Variants in MYO15A observed in about 807,000 individuals in gnomAD.
The protein encoded by MYO15A is myosin XVA, also known as unconventional myosin-XV.
Under a neutral mutation model 394.6 loss-of-function variants are expected in MYO15A, and 308 were observed. That is an observed-to-expected ratio of 0.78 (90% CI 0.71 to 0.86). The LOEUF is 0.86. Ranked by LOEUF, MYO15A falls within the 40% of genes least tolerant of loss-of-function variation. The pLI, the probability that MYO15A is intolerant of heterozygous loss-of-function variation, is 0.00. For missense variants in MYO15A, 4,606 were observed against 4,799.1 expected (o/e 0.96, Z 1.19); for synonymous variants, 1,957 against 2,003.8 (o/e 0.98, Z 0.62).
rs58625281 is a variant in MYO15A, at chr17:18,138,863, C to T, written c.5060C>T (p.Pro1687Leu). Residue 1687 changes from proline (P) to leucine (L), a missense_variant, in exon 18 of 66, where the codon CCG becomes CTG. By Grantham distance (98) the Pro-to-Leu change is moderately conservative. Transcript: ENST00000647165. ...QKCHYHHGAN[P>L]LYSKPKMPLP... ...TGCCACTACCATCATGGCGCCAACC[C>T]GCTCTATTCCAAACCCAAGATGCCG... 255 of 1,613,760 alleles carry T rather than the reference C, an allele frequency of 1.6e-4. 1 individual carries two copies. The African/African-American group carries it at 2.7e-3, about 17-fold the overall frequency.
chr17:18,156,636 C>T (rs942403390), intron 48 of MYO15A, among the ~76,000 whole-genome samples: 7 of 152,216 alleles, frequency 4.6e-5, no homozygotes, highest in Non-Finnish European at 8.8e-5. Flanking sequence ...CTTTCCATCC[C>T]CTCTGCCCAC....
chr17:18,143,810 A>G lies in MYO15A; in HGVS notation c.6046+14A>G. On this transcript the variant is annotated intron_variant, in intron 27 of 65. Coordinates refer to ENST00000647165, the MANE Select transcript of MYO15A (RefSeq NM_016239.4). The stretch of plus-strand genomic sequence containing the variant: ...AAGCAGTGGCAGGTGGGTCAGCACC[A>G]GGCGGGGGGAGGGCCCAGGCAGATC... 6.4e-7 allele frequency: 1 copy of G among 1,572,640 alleles called. No individual in the cohort carries two copies.
chr17:18,169,909 TG>T (rs1597823180), intron 62 of MYO15A, among the ~76,000 whole-genome samples: 1 of 137,430 alleles, frequency 7.3e-6, no homozygotes, highest in Non-Finnish European at 1.5e-5. Flanking sequence ...AGTTCGAGGC[TG>T]CAGTGAGCCG....
intron 45 of MYO15A, 63 bp from the exon 46 acceptor site, chr17:18,155,047 C>A: frequency 6.7e-7 from 1 of 1,489,050 alleles, no homozygotes; most frequent in Middle Eastern, 1.7e-4. Context: ...TCCCTGACAT[C>A]CCCGAGATGG....
In MYO15A at chr17:18,156,240, G is replaced by C. The variant is rs2046672600; in HGVS notation, c.8505G>C (p.Leu2835=). Residue 2835 remains leucine, a synonymous_variant, in exon 48 of 66, where the codon CTG becomes CTC. Transcript: ENST00000647165. ...TGACCATGCCCTCCCAGAACATGCT[G>C]GAGTTCAACCTGGCCAGTGAGAAGG... The part of the protein sequence containing the change: ...LFVTMPSQNM[L]EFNLASEKVI... The C allele has an allele frequency of 5.6e-6, 9 of 1,614,166 alleles. No homozygotes were observed. Among genetic ancestry groups the C allele is most frequent in the Non-Finnish European group, 7.6e-6 (9 of 1,180,028 alleles).
chr17:18,148,857 G>A lies in MYO15A; in HGVS notation c.6861G>A (p.Val2287=). 2 of 1,607,708 alleles carry A rather than the reference G, an allele frequency of 1.2e-6. No homozygotes were observed. The highest frequency in any genetic ancestry group is 2.2e-5 in the South Asian group (2 of 89,730). The stretch of plus-strand genomic sequence containing the variant: ...GCCACGACTACGTGTTAGACCTGGT[G>A]TCGGACCTGGAGCTGCTCAGGGACT... ...LAGHDYVLDL[V]SDLELLRDFP... Residue 2287 remains valine, a synonymous_variant, in exon 33 of 66, where the codon GTG becomes GTA. Coordinates refer to ENST00000647165, the MANE Select transcript of MYO15A (RefSeq NM_016239.4). This position sits in a 1 kb window ranked among gnomAD's most constrained non-coding sequence, Gnocchi z 4.8.
chr17:18,145,717 AT>A lies in MYO15A; in HGVS notation c.6274-154del, dbSNP rs1179782356. Among the ~76,000 whole-genome samples, 11 of 152,280 alleles carry A rather than the reference AT, an allele frequency of 7.2e-5. No homozygotes were observed. In the South Asian group the frequency reaches 2.3e-3, roughly 32 times the overall value. On this transcript the variant is annotated intron_variant, in intron 29 of 65. Coordinates refer to ENST00000647165, the MANE Select transcript of MYO15A (RefSeq NM_016239.4). ...GTGACAGAGACTCCATCTCAAAAAAATATTCTATATATATAGCAGTTATATT... is the reference window on the plus strand; with the variant it reads ...GTGACAGAGACTCCATCTCAAAAAAAATTCTATATATATAGCAGTTATATT...
intron 12 of MYO15A, 35 bp from the exon 13 acceptor site, chr17:18,135,676 A>G (rs778038463): frequency 1.3e-6 from 2 of 1,591,634 alleles, no homozygotes; most frequent in African/African-American, 2.7e-5. Context: ...TAGCCTATCT[A>G]GTTCAAAGCA....
At chr17:18,139,018 C>G in intron 18 of MYO15A, 82 bp downstream of exon 18, 3 of 1,543,740 alleles carry the variant, frequency 1.9e-6, no homozygotes, top group Non-Finnish European at 2.6e-6. Context: ...ACACTGGCCC[C>G]AGACATTCAC....
At chr17:18,124,436 G>T (rs772017974) in intron 2 of MYO15A, 47 bp from the exon 3 acceptor site, 3 of 1,581,896 alleles carry the variant, frequency 1.9e-6, no homozygotes, top group South Asian at 1.1e-5. Flanking sequence ...CAGTGGGGGA[G>T]GGGGGTGCCC....
intron 62 of MYO15A, among the ~76,000 whole-genome samples, chr17:18,168,020 A>ATGTAGCTATGCAGAAAGATTC (rs1174258227): frequency 6.6e-6 from 1 of 152,254 alleles, no homozygotes; most frequent in Non-Finnish European, 1.5e-5. Context: ...CAGGAAATAC[A>ATGTAGCTATGCAGAAAGATTC]TGTAGCTATG....
At chr17:18,111,520 AT>A (rs1334491688) in intron 1 of MYO15A, among the ~76,000 whole-genome samples, 3 of 152,152 alleles carry the variant, frequency 2.0e-5, no homozygotes, top group African/African-American at 7.2e-5. Flanking sequence ...GAATGAATGA[AT>A]GAGAGACTTG....
chr17:18,129,280 C>T (rs2046109793), intron 7 of MYO15A, among the ~76,000 whole-genome samples: 1 of 152,192 alleles, frequency 6.6e-6, no homozygotes, highest in Non-Finnish European at 1.5e-5. Flanking sequence ...CTGGTGTTTA[C>T]CCACTCCATC....
In MYO15A at chr17:18,149,387, A is replaced by C; in HGVS notation, c.7117+11A>C. ...CAGCAACCCACCAAGGTCAACCAAC[A>C]ATGGCTGCTGTCTCTGGTGGGGAGG... On this transcript the variant is annotated intron_variant, in intron 34 of 65. Transcript: ENST00000647165. 1 of 1,607,174 alleles carries C rather than the reference A, an allele frequency of 6.2e-7. No individual in the cohort carries two copies. Among genetic ancestry groups the C allele is most frequent in the Non-Finnish European group, 8.5e-7 (1 of 1,176,546 alleles).
At position 18,121,579 on chromosome 17, in the gene MYO15A, C is replaced by A; in HGVS notation, c.2779C>A (p.Pro927Thr). Reference protein sequence around the residue: ...ETPWTVPPLAPSWDVDMPPTQ... With the variant: ...ETPWTVPPLATSWDVDMPPTQ... Reference sequence around the variant, plus strand: ...GCCCTGGACTGTGCCCCCACTGGCCCCCAGCTGGGACGTGGACATGCCTCC... The same window carrying A: ...GCCCTGGACTGTGCCCCCACTGGCCACCAGCTGGGACGTGGACATGCCTCC... Residue 927 changes from proline (P) to threonine (T), a missense_variant, in exon 2 of 66, where the codon CCC becomes ACC. Coordinates refer to ENST00000647165, the MANE Select transcript of MYO15A (RefSeq NM_016239.4). The surrounding 1 kb of genome is among the most constrained non-coding windows in gnomAD (Gnocchi z 5.3). The A allele has an allele frequency of 1.3e-6, 2 of 1,596,294 alleles. No homozygotes were observed. The highest frequency in any genetic ancestry group is 2.3e-5 in the East Asian group (1 of 44,078).
Position 18,178,968 on chromosome 17 carries a change from G to A in MYO15A, c.*98G>A, listed in dbSNP as rs2047053804. 12 of 1,259,708 alleles carry A rather than the reference G, an allele frequency of 9.5e-6. No individual in the cohort carries two copies. The highest frequency in any genetic ancestry group is 1.2e-5 in the Non-Finnish European group (11 of 888,732). 78.0% of individuals were successfully genotyped at this position (1,259,708 alleles called of 1,614,324 possible). On this transcript the variant is annotated 3_prime_UTR_variant, in exon 66 of 66. Transcript: ENST00000647165. ...TCAGGATCAATGACCCCTGTAAGGG[G>A]CCAGAGCCTTGGAGGACACTAAGAG...
Position 18,163,767 on chromosome 17 carries a change from T to C in MYO15A, c.9716T>C (p.Ile3239Thr). The C allele has an allele frequency of 6.2e-7, 1 of 1,613,922 alleles. No homozygotes were observed. Reference sequence around the variant, plus strand: ...GTGGCCCTGGACGTGGTGGAAGAGATATGTGCTGAGATGGCTCTGACACGC... The same window carrying C: ...GTGGCCCTGGACGTGGTGGAAGAGACATGTGCTGAGATGGCTCTGACACGC... ...CTVALDVVEE[I>T]CAEMALTRPE... is the part of the protein sequence containing the mutation. Residue 3239 changes from isoleucine (I) to threonine (T), a missense_variant, in exon 60 of 66, where the codon ATA (isoleucine) becomes ACA (threonine). Around this residue, in one of 2 missense-constraint regions of MYO15A, gnomAD observed 2,776 missense variants for 3,109.3 expected, o/e 0.89. Transcript: ENST00000647165.
At chr17:18,122,645 G>C in intron 2 of MYO15A, 1 of 598,576 alleles carries the variant, frequency 1.7e-6, no homozygotes, top group South Asian at 2.4e-5. Flanking sequence ...ACTGCTTCCA[G>C]GTCACTCTGG....
rs760946312 is a variant in MYO15A at position 18,126,793 on chromosome 17, A to G, written c.3869A>G (p.His1290Arg). The change falls in exon 6 of 66, where the codon CAC (histidine) becomes CGC (arginine). Residue 1290 changes from histidine (H) to arginine (R), a missense_variant and splice_region_variant. By Grantham distance (29) the His-to-Arg change is conservative. Transcript: ENST00000647165. ...NGRALGENPP[H>R]LFAVANLAFA... is the part of the protein sequence containing the mutation. ...GCTCTAATGACCTGTCTCCCCAGGCACCTCTTTGCTGTTGCAAATCTCGCC... is the reference window on the plus strand; with the variant it reads ...GCTCTAATGACCTGTCTCCCCAGGCGCCTCTTTGCTGTTGCAAATCTCGCC... The G allele has an allele frequency of 1.2e-6, 2 of 1,612,578 alleles. No individual in the cohort carries two copies. Among genetic ancestry groups the G allele is most frequent in the Non-Finnish European group, 1.7e-6 (2 of 1,179,680 alleles).
Sources: allele counts gnomAD v4.1 joint callset (sites outside exome capture counted in the v4.1 genomes callset), GRCh38; gene constraint gnomAD v4.1.1; regional missense constraint gnomAD v4.1.1; non-coding constraint Gnocchi (gnomAD v3.1); transcripts MANE v1.5; gene names NCBI Gene and HGNC (gene_info 2026-07-23, HGNC 2026-07-21).